The following NDUFAF6 variants were observed in gnomAD, a reference collection of about 807,000 sequenced individuals.
NDUFAF6 encodes NADH dehydrogenase (ubiquinone) complex I, assembly factor 6.
In NDUFAF6, 45 loss-of-function variants were observed where a neutral mutation model predicts 40.8. The ratio of observed to expected loss-of-function variants is 1.10; its 90% CI spans 0.87 to 1.42. The LOEUF is 1.42. Ranked by LOEUF, NDUFAF6 falls within the 40% of genes most tolerant of loss-of-function variation. The pLI, the probability that NDUFAF6 is intolerant of heterozygous loss-of-function variation, is 0.00. For synonymous variants in NDUFAF6, 185 were observed against 155.9 expected, an observed-to-expected ratio of 1.19 and a Z score of -1.39; for missense variants, 435 against 418.5, an observed-to-expected ratio of 1.04 and a Z score of -0.34.
At chr8:94,939,448 G>A (rs1198482959) in intron 1 of NDUFAF6, among the ~76,000 whole-genome samples, 1 of 152,232 alleles carries the variant, frequency 6.6e-6, no homozygotes, top group Non-Finnish European at 1.5e-5. Context: ...CCAGGCTGAT[G>A]TGCAGTGGCA....
At chr8:94,961,008 A>G (rs1415973755) in intron 1 of NDUFAF6, among the ~76,000 whole-genome samples, 3 of 152,250 alleles carry the variant, frequency 2.0e-5, no homozygotes, top group Non-Finnish European at 4.4e-5. Context: ...AGGCCAGCAC[A>G]TAGACATTTT....
chr8:95,029,963 T>TA (rs1415473898), intron 1 of NDUFAF6, among the ~76,000 whole-genome samples: 4 of 152,198 alleles, frequency 2.6e-5, no homozygotes, highest in Non-Finnish European at 4.4e-5. Context: ...CGTGGGGAGA[T>TA]ACTTCAGTAC....
At chr8:95,053,631 CTT>C (rs756938359) in intron 8 of NDUFAF6, among the ~76,000 whole-genome samples, 5 of 144,474 alleles carry the variant, frequency 3.5e-5, no homozygotes, top group African/African-American at 2.6e-5. Context: ...CTTTTTCTTT[CTT>C]TTTTTTTTTG....
At chr8:95,047,676 A>T (rs886640167) in intron 6 of NDUFAF6, among the ~76,000 whole-genome samples, 7 of 150,696 alleles carry the variant, frequency 4.6e-5, no homozygotes, top group African/African-American at 1.7e-4. Context: ...CGCCCAGCTA[A>T]TTTTTTGTAT....
intron 1 of NDUFAF6, among the ~76,000 whole-genome samples, chr8:94,964,017 G>T (rs1229062409): frequency 6.6e-6 from 1 of 152,204 alleles, no homozygotes; most frequent in Non-Finnish European, 1.5e-5. Flanking sequence ...CCAAGGCTGT[G>T]CTAAAATTCT....
intron 2 of NDUFAF6, among the ~76,000 whole-genome samples, chr8:94,997,838 C>T (rs1826525172): frequency 6.6e-6 from 1 of 152,224 alleles, no homozygotes; most frequent in South Asian, 2.1e-4. Context: ...GTTCTCTAAA[C>T]AGTTACAAAA....
At position 94,967,768 on chromosome 8, in the gene NDUFAF6, C is replaced by T. The variant is rs568298181; in HGVS notation, c.-199+9589C>T. 4.5e-3 allele frequency among the ~76,000 whole-genome samples: 678 copies of T among 151,962 alleles called. 5 individuals carry two copies. Among genetic ancestry groups the T allele is most frequent in the Non-Finnish European group, 4.6e-3 (314 of 67,988 alleles). ...CCAGCCTGTCCAACATGCAAAACCC[C>T]ATCTCTACTAAAAATATAAAAAATT... is the stretch of plus-strand genomic sequence containing the variant. On this transcript the variant is annotated intron_variant, in intron 1 of 9. Coordinates refer to the NDUFAF6 transcript ENST00000396111.
At chr8:95,009,871 TA>T (rs1827158322) in intron 2 of NDUFAF6, among the ~76,000 whole-genome samples, 1 of 152,254 alleles carries the variant, frequency 6.6e-6, no homozygotes, top group Non-Finnish European at 1.5e-5. Flanking sequence ...ATATTATATT[TA>T]AAAGTTTATT....
intron 9 of NDUFAF6, among the ~76,000 whole-genome samples, chr8:95,073,606 C>T (rs776128480): frequency 9.2e-5 from 14 of 152,186 alleles, no homozygotes; most frequent in Admixed American, 7.9e-4. Flanking sequence ...GAACCCCATC[C>T]ACTGCCATGG....
intron 1 of NDUFAF6, among the ~76,000 whole-genome samples, chr8:94,974,238 CTTTA>C (rs1236161862): frequency 6.8e-6 from 1 of 147,790 alleles, no homozygotes; most frequent in Non-Finnish European, 1.5e-5. Context: ...TTTAAATTAT[CTTTA>C]TTATAAGGAA....
intron 2 of NDUFAF6, among the ~76,000 whole-genome samples, chr8:94,945,807 G>A (rs948096508): frequency 1.5e-4 from 23 of 152,186 alleles, no homozygotes; most frequent in African/African-American, 4.6e-4. Context: ...GTGAAGTAGC[G>A]CTGTTGTTCT....
chr8:95,044,747 C>T (rs1830543902), intron 4 of NDUFAF6, among the ~76,000 whole-genome samples: 1 of 151,266 alleles, frequency 6.6e-6, no homozygotes, highest in Non-Finnish European at 1.5e-5. Context: ...TGAGCCACCG[C>T]ACCCAGCCTC....
upstream of NDUFAF6, among the ~76,000 whole-genome samples, chr8:94,957,262 C>A (rs1823164600): frequency 6.6e-6 from 1 of 152,054 alleles, no homozygotes; most frequent in Non-Finnish European, 1.5e-5. Flanking sequence ...AGTTCCAGGG[C>A]AATTGAATAT....
intron 1 of NDUFAF6, among the ~76,000 whole-genome samples, chr8:94,959,142 GAC>G (rs1421322543): frequency 6.6e-6 from 1 of 152,186 alleles, no homozygotes; most frequent in Non-Finnish European, 1.5e-5. Context: ...AGTATCCAAT[GAC>G]TTACTCAGGT....
upstream of NDUFAF6, among the ~76,000 whole-genome samples, chr8:94,954,941 C>A (rs981891671): frequency 3.9e-5 from 6 of 152,172 alleles, no homozygotes; most frequent in Non-Finnish European, 8.8e-5. Context: ...ACAGAATGGG[C>A]CTCAGGTAAT....
At chr8:95,001,363 C>T (rs1826726398) in intron 2 of NDUFAF6, among the ~76,000 whole-genome samples, 1 of 152,130 alleles carries the variant, frequency 6.6e-6, no homozygotes, top group South Asian at 2.1e-4. Context: ...GGGAGTGTGA[C>T]TCTGCTTGCC....
intron 9 of NDUFAF6, among the ~76,000 whole-genome samples, chr8:95,071,381 G>A (rs1476477868): frequency 4.4e-5 from 6 of 135,672 alleles, no homozygotes; most frequent in Non-Finnish European, 9.2e-5. Context: ...CTGGGCGATA[G>A]AGCGAGACTC....
intron 2 of NDUFAF6, among the ~76,000 whole-genome samples, chr8:95,095,387 A>C (rs993359195): frequency 1.3e-5 from 2 of 152,188 alleles, no homozygotes; most frequent in South Asian, 4.1e-4. Flanking sequence ...AATGGGATCC[A>C]GGTCATTAAT....
intron 4 of NDUFAF6, among the ~76,000 whole-genome samples, chr8:95,111,646 T>G (rs1473940747): frequency 6.6e-6 from 1 of 151,976 alleles, no homozygotes; most frequent in Non-Finnish European, 1.5e-5. Flanking sequence ...CACACACACC[T>G]GCCTGCTCAT....
Sources: allele counts gnomAD v4.1 joint callset (sites outside exome capture counted in the v4.1 genomes callset), GRCh38; gene constraint gnomAD v4.1.1; transcripts MANE v1.5; gene names NCBI Gene and HGNC (gene_info 2026-07-23, HGNC 2026-07-21).